ADAMTSL1: variants seen among roughly 807,000 people sequenced by gnomAD.
The protein encoded by ADAMTSL1 is ADAMTS like 1.
ADAMTSL1 carries 126 observed loss-of-function variants against 201.8 expected under a neutral mutation model. The ratio of observed to expected loss-of-function variants is 0.62; its 90% CI spans 0.54 to 0.72. The LOEUF (loss-of-function observed/expected upper bound fraction) is 0.72, where lower values mean the gene tolerates loss of function less well. ADAMTSL1 is among the 30% of genes least tolerant of loss of function. The pLI, the probability that ADAMTSL1 is intolerant of heterozygous loss-of-function variation, is 0.00. For missense variants in ADAMTSL1, 2,679 were observed against 2,277.8 expected (o/e 1.18, Z -3.59); for synonymous variants, 1,121 against 903.4 (o/e 1.24, Z -4.32).
chr9:18,536,368 C>G lies in ADAMTSL1; in HGVS notation c.237+3076C>G, dbSNP rs563523799. ...CCTCTTTTCCTATTTTTTGTAGAACCGCTACATATAACTTGTTGGGGAGTT... is the reference window on the plus strand; with the variant it reads ...CCTCTTTTCCTATTTTTTGTAGAACGGCTACATATAACTTGTTGGGGAGTT... On this transcript the variant is annotated intron_variant, in intron 3 of 28. Coordinates refer to ENST00000380548, the MANE Select transcript of ADAMTSL1 (RefSeq NM_001040272.6). 2.0e-3 allele frequency among the ~76,000 whole-genome samples: 308 copies of G among 151,966 alleles called. 3 individuals are homozygous for G. The highest frequency in any genetic ancestry group is 3.5e-3 in the Non-Finnish European group (236 of 67,984).
chr9:18,796,355 C>T (rs1453890655), intron 20 of ADAMTSL1, among the ~76,000 whole-genome samples: 1 of 152,180 alleles, frequency 6.6e-6, no homozygotes, highest in Non-Finnish European at 1.5e-5. Flanking sequence ...TACTTCCCCA[C>T]TGATCTGAGA....
chr9:18,812,001 CACA>C (rs1385935526), intron 20 of ADAMTSL1, among the ~76,000 whole-genome samples: 4 of 152,002 alleles, frequency 2.6e-5, no homozygotes, highest in African/African-American at 9.7e-5. Context: ...GATTGGAAAA[CACA>C]ACAAAGTCAA....
At chr9:18,834,045 A>G (rs1018032535) in intron 23 of ADAMTSL1, among the ~76,000 whole-genome samples, 2 of 152,204 alleles carry the variant, frequency 1.3e-5, no homozygotes, top group Non-Finnish European at 2.9e-5. Context: ...CCATTGGCCT[A>G]TGTGTCTGTT....
intron 2 of ADAMTSL1, among the ~76,000 whole-genome samples, chr9:18,467,707 AG>A (rs572081514): frequency 1.2e-4 from 18 of 152,360 alleles, no homozygotes; most frequent in South Asian, 4.1e-4. Context: ...CAGAAGGGAC[AG>A]GATGAACAAA....
chr9:18,027,352 A>G (rs537824098), intron 1 of ADAMTSL1, among the ~76,000 whole-genome samples: 2 of 151,856 alleles, frequency 1.3e-5, no homozygotes, highest in Non-Finnish European at 2.9e-5. Flanking sequence ...GGTATTTAGA[A>G]CTATAAACTT....
intron 1 of ADAMTSL1, among the ~76,000 whole-genome samples, chr9:17,977,136 G>A (rs537056204): frequency 1.3e-5 from 2 of 151,960 alleles, no homozygotes; most frequent in Non-Finnish European, 2.9e-5. Flanking sequence ...TTATTGGTTT[G>A]TGTATGTTAA....
chr9:18,687,743 T>C (rs62550600), intron 13 of ADAMTSL1, among the ~76,000 whole-genome samples: 4,383 of 152,262 alleles, frequency 0.029, 86 homozygotes, highest in Admixed American at 0.073. Flanking sequence ...GCCAAACATA[T>C]GTTGGGAAGT....
chr9:18,445,745 A>G (rs1454811693), intron 2 of ADAMTSL1, among the ~76,000 whole-genome samples: 2 of 152,136 alleles, frequency 1.3e-5, no homozygotes, highest in African/African-American at 4.8e-5. Flanking sequence ...AAACATTTTT[A>G]GTTTACCTTT....
At chr9:18,373,447 A>G (rs1359150420) in intron 2 of ADAMTSL1, among the ~76,000 whole-genome samples, 1 of 152,088 alleles carries the variant, frequency 6.6e-6, no homozygotes, top group African/African-American at 2.4e-5. Context: ...CAATCTTTTC[A>G]TATCATCTTT....
intron 2 of ADAMTSL1, among the ~76,000 whole-genome samples, chr9:18,257,174 AAC>A (rs1052012596): frequency 2.0e-5 from 3 of 152,250 alleles, no homozygotes; most frequent in African/African-American, 7.2e-5. Context: ...TGATCATCAC[AAC>A]ACAATTCTTT....
chr9:18,109,403 T>G lies in ADAMTSL1; in HGVS notation c.88-54459T>G, dbSNP rs539683359. 1.5e-3 allele frequency among the ~76,000 whole-genome samples: 233 copies of G among 152,198 alleles called. 1 individual carries two copies. Among genetic ancestry groups the G allele is most frequent in the Middle Eastern group, 0.01 (3 of 294 alleles). On this transcript the variant is annotated intron_variant, in intron 1 of 29. Transcript: ENST00000680146. ...CCAGGAAGTAGCTGACTGCAGTACTTCTGTGTATCATATGTTGGCCAGTCT... is the reference window on the plus strand; with the variant it reads ...CCAGGAAGTAGCTGACTGCAGTACTGCTGTGTATCATATGTTGGCCAGTCT...
intron 1 of ADAMTSL1, among the ~76,000 whole-genome samples, chr9:18,006,738 A>G (rs1819845068): frequency 6.6e-6 from 1 of 151,966 alleles, no homozygotes. Context: ...TAATGACCAG[A>G]AGCAGAGTCT....
At chr9:17,976,505 T>G (rs1818454287) in intron 1 of ADAMTSL1, among the ~76,000 whole-genome samples, 1 of 152,058 alleles carries the variant, frequency 6.6e-6, no homozygotes, top group Non-Finnish European at 1.5e-5. Flanking sequence ...TGGGATTGTT[T>G]TCTCAAAACA....
chr9:18,738,485 G>A (rs545337702), intron 15 of ADAMTSL1, among the ~76,000 whole-genome samples: 6 of 152,340 alleles, frequency 3.9e-5, no homozygotes, highest in East Asian at 1.9e-4. Flanking sequence ...ATAAAGGAAT[G>A]AAAGTCAAGA....
intron 4 of ADAMTSL1, among the ~76,000 whole-genome samples, chr9:18,608,050 G>T (rs913385588): frequency 2.0e-5 from 3 of 152,090 alleles, no homozygotes; most frequent in South Asian, 4.1e-4. Flanking sequence ...AATGCAACGT[G>T]ATGCAATATA....
chr9:17,949,098 G>A (rs113652178), intron 1 of ADAMTSL1, among the ~76,000 whole-genome samples: 20 of 152,312 alleles, frequency 1.3e-4, no homozygotes, highest in African/African-American at 4.8e-4. Context: ...CAATGTTAAA[G>A]CATATATAGC....
chr9:17,945,479 G>A (rs1353371507), intron 1 of ADAMTSL1, among the ~76,000 whole-genome samples: 1 of 150,440 alleles, frequency 6.6e-6, no homozygotes, highest in African/African-American at 2.5e-5. Context: ...TATACCCAAA[G>A]GATTATAAAT....
At chr9:18,577,269 C>G (rs932669261) in intron 4 of ADAMTSL1, among the ~76,000 whole-genome samples, 4 of 152,080 alleles carry the variant, frequency 2.6e-5, no homozygotes, top group African/African-American at 9.7e-5. Context: ...GCGGATCACT[C>G]GAGGTCCGGA....
chr9:18,770,868 G>A, intron 17 of ADAMTSL1, 87 bp downstream of exon 17: 2 of 1,325,056 alleles, frequency 1.5e-6, no homozygotes, highest in Non-Finnish European at 2.1e-6. Context: ...GGCAAGAAGA[G>A]AACAAAACAA....
Sources: allele counts gnomAD v4.1 joint callset (sites outside exome capture counted in the v4.1 genomes callset), GRCh38; gene constraint gnomAD v4.1.1; transcripts MANE v1.5; gene names NCBI Gene and HGNC (gene_info 2026-07-23, HGNC 2026-07-21).